SLC12A7: variants seen among roughly 807,000 people sequenced by gnomAD.
SLC12A7 encodes solute carrier family 12 member 7.
Under a neutral mutation model 120.6 loss-of-function variants are expected in SLC12A7, and 100 were observed. The observed-to-expected ratio is 0.83, with a 90% CI of 0.71 to 0.98. The LOEUF is 0.98. Among genes scored for constraint, SLC12A7 ranks in the 50% least tolerant of loss-of-function variants. The probability of loss-of-function intolerance (pLI) is 0.00; values close to 1 mark genes in which losing one functional copy is unlikely to be tolerated. For missense variants in SLC12A7, 1,373 were observed against 1,548.1 expected (o/e 0.89, Z 1.90); for synonymous variants, 760 against 678.0 (o/e 1.12, Z -1.88).
At chr5:1,114,308 G>C (rs773694929), upstream of SLC12A7, among the ~76,000 whole-genome samples, 17 of 152,126 alleles carry the variant, frequency 1.1e-4, no homozygotes, top group South Asian at 1.5e-3. Flanking sequence ...GACCTCGGGT[G>C]GGGGGTGAGG....
chr5:1,111,703 G>A (rs1425876164), intron 1 of SLC12A7, among the ~76,000 whole-genome samples, 165 bp downstream of exon 1: 1 of 152,154 alleles, frequency 6.6e-6, no homozygotes, highest in Non-Finnish European at 1.5e-5. Context: ...TGCCACTAAC[G>A]TGGGGTGGGG....
intron 8 of SLC12A7, 69 bp downstream of exon 8, chr5:1,083,675 GC>G: frequency 6.7e-7 from 1 of 1,501,148 alleles, no homozygotes. Context: ...TAAGGCGAGA[GC>G]AGCCACCAGG....
the SLC12A7 span, among the ~76,000 whole-genome samples, chr5:1,125,815 C>T: frequency 6.6e-6 from 1 of 151,062 alleles, no homozygotes; most frequent in Non-Finnish European, 1.5e-5. Context: ...ATCCCAGCTA[C>T]TCAGGAGACT....
chr5:1,130,595 G>T, the SLC12A7 span, among the ~76,000 whole-genome samples: 48 of 141,410 alleles, frequency 3.4e-4, no homozygotes, highest in South Asian at 9.3e-4. Context: ...TGCCCGCGCA[G>T]GTCCCCTCAC....
At chr5:1,085,849 T>C (rs1264198773) in intron 6 of SLC12A7, among the ~76,000 whole-genome samples, 2 of 152,186 alleles carry the variant, frequency 1.3e-5, no homozygotes, top group African/African-American at 4.8e-5. Flanking sequence ...AGAAACACCT[T>C]CTGCTAAGAG....
Position 1,065,172 on chromosome 5 carries a change from GA to G in SLC12A7, c.2437+110del, listed in dbSNP as rs1561044139. 2.7e-3 allele frequency: 1,618 copies of G among 608,868 alleles called. 51 individuals are homozygous for G. In the African/African-American group the frequency reaches 0.029, roughly 11 times the overall value. 37.7% of individuals were successfully genotyped at this position (608,868 alleles called of 1,614,324 possible). A position where few individuals can be genotyped will look rare whatever the true frequency, so the allele number is the denominator to read the frequency against. On this transcript the variant is annotated intron_variant, in intron 18 of 23. Transcript: ENST00000264930. ...ACAGTGGGGACGAAAAGGGGACAGTGAGAGGACAGCGAGGGGACACTGAGGA... is the reference window on the plus strand; with the variant it reads ...ACAGTGGGGACGAAAAGGGGACAGTGGAGGACAGCGAGGGGACACTGAGGA...
At chr5:1,099,357 G>C (rs987202193) in intron 1 of SLC12A7, among the ~76,000 whole-genome samples, 37 of 151,336 alleles carry the variant, frequency 2.4e-4, no homozygotes, top group African/African-American at 8.8e-4. Flanking sequence ...CATCAACCCA[G>C]CCCCGACCCA....
chr5:1,099,865 C>T (rs1372909268), intron 1 of SLC12A7, among the ~76,000 whole-genome samples: 1 of 152,256 alleles, frequency 6.6e-6, no homozygotes, highest in Non-Finnish European at 1.5e-5. Flanking sequence ...CCACGGTCCC[C>T]TCCGGCGGGT....
At chr5:1,099,062 G>A (rs770894228) in intron 1 of SLC12A7, among the ~76,000 whole-genome samples, 1 of 152,022 alleles carries the variant, frequency 6.6e-6, no homozygotes, top group South Asian at 2.1e-4. Context: ...CTTGCCAGGT[G>A]GCCCACAGTG....
Position 1,085,440 on chromosome 5 carries a change from C to T in SLC12A7, c.709G>A (p.Ala237Thr), listed in dbSNP as rs1462406741. The T allele has an allele frequency of 5.6e-6, 9 of 1,609,448 alleles. No homozygotes were observed. Among genetic ancestry groups the T allele is most frequent in the Non-Finnish European group, 7.6e-6 (9 of 1,178,586 alleles). Residue 237 changes from alanine (A) to threonine (T), a missense_variant, in exon 7 of 24, where the codon GCG becomes ACG. By Grantham distance (58) the Ala-to-Thr change is moderately conservative. Coordinates refer to ENST00000264930, the MANE Select transcript of SLC12A7 (RefSeq NM_006598.3). ...YISPGAAIFQ[A>T]EAAGGEAAAM... Reference sequence around the variant, plus strand: ...GCCGCCTCGCCACCTGCAGCCTCCGCCTGGAAGATGGCCGCACCCGGGGAG... The same window carrying T: ...GCCGCCTCGCCACCTGCAGCCTCCGTCTGGAAGATGGCCGCACCCGGGGAG...
rs1035833268 is a variant in SLC12A7 at position 1,051,201 on chromosome 5, C to T, written c.*1159G>A. 9 of 342,866 alleles carry T rather than the reference C, an allele frequency of 2.6e-5. No individual in the cohort carries two copies. Among genetic ancestry groups the T allele is most frequent in the East Asian group, 1.3e-4 (3 of 23,400 alleles). 21.2% of individuals were successfully genotyped at this position (342,866 alleles called of 1,614,324 possible). ...AAAGCTATCTCTTCAGTGCCACCGC[C>T]GCCTCCATGCAAGGCACAGGCCATG... is the stretch of plus-strand genomic sequence containing the variant. On this transcript the variant is annotated 3_prime_UTR_variant, in exon 24 of 24. Coordinates refer to ENST00000264930, the MANE Select transcript of SLC12A7 (RefSeq NM_006598.3).
At chr5:1,059,281 G>A (rs1735941300) in intron 21 of SLC12A7, among the ~76,000 whole-genome samples, 2 of 152,294 alleles carry the variant, frequency 1.3e-5, no homozygotes, top group African/African-American at 2.4e-5. Context: ...AGCTCCACAC[G>A]CCTTTCTCTG....
chr5:1,133,867 C>G, the SLC12A7 span, among the ~76,000 whole-genome samples: 2 of 152,150 alleles, frequency 1.3e-5, no homozygotes, highest in Non-Finnish European at 2.9e-5. Flanking sequence ...GGCAGCAACA[C>G]CAGAGAGGGT....
At chr5:1,105,478 G>C (rs374877338) in intron 1 of SLC12A7, among the ~76,000 whole-genome samples, 1 of 152,204 alleles carries the variant, frequency 6.6e-6, no homozygotes, top group African/African-American at 2.4e-5. Context: ...CCTGCCCCCC[G>C]GCACTCCCGG....
the SLC12A7 span, among the ~76,000 whole-genome samples, chr5:1,134,943 A>C: frequency 6.6e-6 from 1 of 152,178 alleles, no homozygotes; most frequent in Admixed American, 6.5e-5. Flanking sequence ...CCTGGCCAAC[A>C]TGGTGAAACC....
intron 1 of SLC12A7, among the ~76,000 whole-genome samples, chr5:1,109,095 C>T (rs549979035): frequency 4.3e-4 from 66 of 152,290 alleles, no homozygotes; most frequent in African/African-American, 1.5e-3. Context: ...CAGGGAGCCC[C>T]AGACGAGTGG....
chr5:1,052,129 G>A lies in SLC12A7; in HGVS notation c.*231C>T, dbSNP rs1014584972. On this transcript the variant is annotated 3_prime_UTR_variant, in exon 24 of 24. Coordinates refer to ENST00000264930, the MANE Select transcript of SLC12A7 (RefSeq NM_006598.3). ...ACTCCGGTAGCAGCGTCTGCCCTCAGATGCAAGGAAATCGTCCAGCCACGC... is the reference window on the plus strand; with the variant it reads ...ACTCCGGTAGCAGCGTCTGCCCTCAAATGCAAGGAAATCGTCCAGCCACGC... The A allele has an allele frequency of 8.7e-6, 5 of 577,372 alleles. No individual in the cohort carries two copies. In the East Asian group the frequency reaches 1.4e-4, roughly 17 times the overall value. The allele number at this position is 577,372 out of a possible 1,614,324, so 35.8% of individuals were successfully genotyped here. A position where few individuals can be genotyped will look rare whatever the true frequency, so the allele number is the denominator to read the frequency against.
the SLC12A7 span, among the ~76,000 whole-genome samples, chr5:1,122,564 G>A: frequency 1.1e-4 from 16 of 152,234 alleles, no homozygotes; most frequent in African/African-American, 2.9e-4. Flanking sequence ...ACAGCTGTGC[G>A]TCCACCTTCA....
At chr5:1,150,039 A>C in the SLC12A7 span, among the ~76,000 whole-genome samples, 2 of 152,234 alleles carry the variant, frequency 1.3e-5, no homozygotes, top group Non-Finnish European at 2.9e-5. Flanking sequence ...TCAAAGAAAA[A>C]AACAACAACA....
Sources: allele counts gnomAD v4.1 joint callset (sites outside exome capture counted in the v4.1 genomes callset), GRCh38; gene constraint gnomAD v4.1.1; transcripts MANE v1.5; gene names NCBI Gene and HGNC (gene_info 2026-07-23, HGNC 2026-07-21).